Variants in RIMBP2 observed in about 807,000 individuals in gnomAD.
RIMBP2 encodes RIMS-binding protein 2.
A neutral mutation model predicts 118.6 loss-of-function variants in RIMBP2; 48 were observed. The observed-to-expected ratio is 0.40, with a 90% CI of 0.32 to 0.51. The LOEUF (loss-of-function observed/expected upper bound fraction) is 0.51, where lower values mean the gene tolerates loss of function less well. Ranked by LOEUF, RIMBP2 falls within the 20% of genes least tolerant of loss-of-function variation. RIMBP2 has a pLI of 0.41. For missense variants in RIMBP2, 1,551 were observed against 1,768.3 expected, an observed-to-expected ratio of 0.88 and a Z score of 2.20; for synonymous variants, 762 against 742.9, an observed-to-expected ratio of 1.03 and a Z score of -0.42.
chr12:130,463,133 T>C (rs1029122062), intron 6 of RIMBP2, among the ~76,000 whole-genome samples: 2 of 152,198 alleles, frequency 1.3e-5, no homozygotes, highest in Non-Finnish European at 2.9e-5. Context: ...TTCCAAAGCA[T>C]GCTGAGAGAA....
intron 1 of RIMBP2, among the ~76,000 whole-genome samples, chr12:130,643,560 A>T (rs1369993434): frequency 3.4e-5 from 5 of 149,138 alleles, no homozygotes. Flanking sequence ...GAGAAGAAAG[A>T]AATCACTAGG....
At position 130,399,200 on chromosome 12, in the gene RIMBP2, A is replaced by G. The variant is rs372760159; in HGVS notation, c.3900+479T>C. The G allele has an allele frequency of 4.4e-6, 5 of 1,144,502 alleles. No homozygotes were observed. In the East Asian group the frequency reaches 1.3e-4, roughly 30 times the overall value. The allele number at this position is 1,144,502 out of a possible 1,614,324, so 70.9% of individuals were successfully genotyped here. A position where few individuals can be genotyped will look rare whatever the true frequency, so the allele number is the denominator to read the frequency against. On this transcript the variant is annotated intron_variant, in intron 22 of 22. Coordinates refer to ENST00000690449, the MANE Select transcript of RIMBP2 (RefSeq NM_001393629.1). ...GATGAGCAAAGAAATAAAAATATATATATAAAAATATAATATAGAAAAACT... is the reference window on the plus strand; with the variant it reads ...GATGAGCAAAGAAATAAAAATATATGTATAAAAATATAATATAGAAAAACT...
intron 4 of RIMBP2, among the ~76,000 whole-genome samples, chr12:130,484,846 G>A (rs997806345): frequency 6.6e-6 from 1 of 152,248 alleles, no homozygotes; most frequent in African/African-American, 2.4e-5. Context: ...CTGGCCCGCT[G>A]TGTGGTCTTA....
chr12:130,488,355 T>G (rs1393339529), intron 4 of RIMBP2, among the ~76,000 whole-genome samples: 1 of 151,692 alleles, frequency 6.6e-6, no homozygotes, highest in East Asian at 1.9e-4. Context: ...ATAGGAGAGA[T>G]ATTGGCTGCA....
intron 7 of RIMBP2, among the ~76,000 whole-genome samples, chr12:130,452,159 G>A (rs1046880007): frequency 6.6e-6 from 1 of 152,298 alleles, no homozygotes; most frequent in Admixed American, 6.5e-5. Flanking sequence ...CTCCGCTGCT[G>A]GGAATGATGA....
intron 21 of RIMBP2, 88 bp from the exon 22 acceptor site, chr12:130,399,901 C>T: frequency 7.0e-7 from 1 of 1,422,672 alleles, no homozygotes; most frequent in Non-Finnish European, 9.7e-7. Flanking sequence ...GCTCAGAGTA[C>T]AGGTACATGG....
At chr12:130,512,988 G>A (rs943104402) in intron 3 of RIMBP2, among the ~76,000 whole-genome samples, 151 of 151,816 alleles carry the variant, frequency 9.9e-4, no homozygotes, top group African/African-American at 3.3e-3. Context: ...TTTTTACTAG[G>A]AAAAAAAATG....
intron 14 of RIMBP2, 36 bp from the exon 15 acceptor site, chr12:130,428,373 C>T: frequency 6.3e-7 from 1 of 1,582,202 alleles, no homozygotes; most frequent in East Asian, 2.3e-5. Flanking sequence ...GAGCGGGTGG[C>T]TCCTCCCGCA....
At chr12:130,664,431 G>GCA (rs1458045654) in intron 1 of RIMBP2, among the ~76,000 whole-genome samples, 10 of 39,890 alleles carry the variant, frequency 2.5e-4, no homozygotes, top group South Asian at 8.2e-4. Context: ...GCACACACAT[G>GCA]CATGCACGCA....
chr12:130,407,953 G>A (rs1009457263), intron 19 of RIMBP2, 124 bp from the exon 20 acceptor site: 19 of 791,072 alleles, frequency 2.4e-5, no homozygotes, highest in Non-Finnish European at 4.2e-5. Context: ...ACAGGGCCAC[G>A]TGCTCCTGGG....
chr12:130,499,921 G>T (rs2049578853), intron 4 of RIMBP2, among the ~76,000 whole-genome samples: 1 of 152,154 alleles, frequency 6.6e-6, no homozygotes, highest in Admixed American at 6.5e-5. Context: ...ATATCTTTAG[G>T]TGTGGGTTCA....
intron 4 of RIMBP2, among the ~76,000 whole-genome samples, chr12:130,496,372 T>C (rs1020704516): frequency 6.6e-6 from 1 of 152,142 alleles, no homozygotes; most frequent in African/African-American, 2.4e-5. Context: ...CATAGAATGG[T>C]GAGTCCATTA....
intron 9 of RIMBP2, among the ~76,000 whole-genome samples, chr12:130,449,627 C>T (rs1391330874): frequency 2.0e-5 from 3 of 152,094 alleles, no homozygotes; most frequent in Non-Finnish European, 2.9e-5. Flanking sequence ...AAGACGCACT[C>T]ATGGACCAAC....
At chr12:130,518,861 C>G (rs1432921020) in intron 2 of RIMBP2, among the ~76,000 whole-genome samples, 1 of 152,122 alleles carries the variant, frequency 6.6e-6, no homozygotes, top group Non-Finnish European at 1.5e-5. Flanking sequence ...CTAAAGAGAT[C>G]TCATAAACTT....
rs1398271598 is a variant in RIMBP2, at chr12:130,480,180, C to A, written c.-3-1164G>T. Reference sequence around the variant, plus strand: ...AACCAGCTGCAAAATGCTAGAATTTCATTGTCATTTCCTTTCATACACACA... The same window carrying A: ...AACCAGCTGCAAAATGCTAGAATTTAATTGTCATTTCCTTTCATACACACA... On this transcript the variant is annotated intron_variant, in intron 4 of 22. Coordinates refer to ENST00000690449, the MANE Select transcript of RIMBP2 (RefSeq NM_001393629.1). Among the ~76,000 whole-genome samples, 15 of 143,898 alleles carry A rather than the reference C, an allele frequency of 1.0e-4. No individual in the cohort carries two copies. In the Admixed American group the frequency reaches 1.1e-3, roughly 10 times the overall value. The allele number at this position is 143,898 out of a possible 152,430, so 94.4% of individuals were successfully genotyped here. A position where few individuals can be genotyped will look rare whatever the true frequency, so the allele number is the denominator to read the frequency against.
At chr12:130,619,661 C>G (rs533111022) in intron 2 of RIMBP2, among the ~76,000 whole-genome samples, 1 of 147,638 alleles carries the variant, frequency 6.8e-6, no homozygotes, top group Non-Finnish European at 1.5e-5. Context: ...CACGGTGTGT[C>G]GTCAAGGGGA....
rs2137184571 is a variant in RIMBP2, at chr12:130,442,741, A to G, written c.692-81T>C. The G allele has an allele frequency of 8.4e-7, 1 of 1,189,206 alleles. No homozygotes were observed. The highest frequency in any genetic ancestry group is 1.2e-6 in the Non-Finnish European group (1 of 841,084). 73.7% of individuals were successfully genotyped at this position (1,189,206 alleles called of 1,614,324 possible). ...CCCCCAGTGTACTCCCACCTCCCCC[A>G]CCAGGACCATAAGGCAGAGCAACAG... On this transcript the variant is annotated intron_variant, in intron 10 of 22. Transcript: ENST00000690449. This position sits in a 1 kb window ranked among gnomAD's most constrained non-coding sequence, Gnocchi z 6.9.
intron 1 of RIMBP2, among the ~76,000 whole-genome samples, chr12:130,642,085 C>A (rs2141031041): frequency 6.6e-6 from 1 of 152,200 alleles, no homozygotes; most frequent in East Asian, 1.9e-4. Context: ...TGTTTCTAAC[C>A]ACTGTACCCC....
At chr12:130,560,666 G>C (rs560193937) in intron 2 of RIMBP2, among the ~76,000 whole-genome samples, 22 of 152,314 alleles carry the variant, frequency 1.4e-4, no homozygotes, top group African/African-American at 5.1e-4. Context: ...TGAGTCAGGA[G>C]AGCAGCTCCT....
Sources: gnomAD v4.1 joint callset for allele counts (sites outside exome capture counted in the v4.1 genomes callset) on GRCh38, gnomAD v4.1.1 for gene constraint, Gnocchi (gnomAD v3.1) non-coding constraint, MANE v1.5 for transcripts, NCBI Gene and HGNC (gene_info 2026-07-23, HGNC 2026-07-21) for gene names.